ABHD14A: variants seen among roughly 807,000 people sequenced by gnomAD.
ABHD14A encodes protein ABHD14A.
A neutral mutation model predicts 27.0 loss-of-function variants in ABHD14A; 19 were observed. The observed-to-expected ratio is 0.70, with a 90% confidence interval of 0.49 to 1.03. The LOEUF (loss-of-function observed/expected upper bound fraction) is 1.03. ABHD14A is among the 50% of genes least tolerant of loss of function. The pLI is 0.00. For synonymous variants in ABHD14A, 148 were observed against 158.8 expected, an observed-to-expected ratio of 0.93 and a Z score of 0.51; for missense variants, 311 against 344.6, an observed-to-expected ratio of 0.90 and a Z score of 0.77.
intron 1 of ABHD14A, among the ~76,000 whole-genome samples, chr3:51,976,654 G>A (rs536267434): frequency 6.6e-6 from 1 of 152,316 alleles, no homozygotes; most frequent in East Asian, 1.9e-4. Flanking sequence ...TAGCCTGGGC[G>A]ACAGAGCAAG....
At chr3:51,980,782 G>A in intron 4 of ABHD14A, 54 bp from the exon 5 acceptor site, 2 of 1,588,756 alleles carry the variant, frequency 1.3e-6, no homozygotes, top group Non-Finnish European at 1.7e-6. Flanking sequence ...AAGTGGCTTG[G>A]GGGTCAGAAA....
At position 51,979,245 on chromosome 3, in the gene ABHD14A, C is replaced by G. The variant is rs903519925; in HGVS notation, c.397+871C>G. On this transcript the variant is annotated intron_variant, in intron 3 of 4. Transcript: ENST00000273596. ...CATGTCTCAAGGATCATGCCGGTCC[C>G]TACAAACCTCCCTCTTTGTTGTCAA... Among the ~76,000 whole-genome samples, 26 of 152,138 alleles carry G rather than the reference C, an allele frequency of 1.7e-4. 1 individual carries two copies. Among genetic ancestry groups the G allele is most frequent in the African/African-American group, 6.3e-4 (26 of 41,436 alleles).
intron 1 of ABHD14A, among the ~76,000 whole-genome samples, chr3:51,975,662 C>T (rs1264278655): frequency 6.6e-6 from 1 of 151,876 alleles, no homozygotes; most frequent in Non-Finnish European, 1.5e-5. Context: ...GTGTGTATGA[C>T]CGTGCTTGAG....
chr3:51,975,455 T>TGGG (rs111955253), intron 1 of ABHD14A, among the ~76,000 whole-genome samples: 100 of 87,786 alleles, frequency 1.1e-3, no homozygotes, highest in African/African-American at 3.9e-3. Context: ...CTTATATTTT[T>TGGG]GGGGGGGGGG....
In ABHD14A at chr3:51,975,192, C is replaced by T; in HGVS notation, c.57C>T (p.Ile19=). ...WFRLGGARPL[I]PLGPTVVQTS... The stretch of plus-strand genomic sequence containing the variant: ...GCCTGGGCGGGGCCCGCCCGCTCAT[C>T]CCGTTGGGCCCGGTGAGTCTCCCGG... Residue 19 remains isoleucine, a synonymous_variant, in exon 1 of 5, where the codon ATC becomes ATT. Transcript: ENST00000273596. The T allele has an allele frequency of 6.3e-6, 8 of 1,270,976 alleles. No homozygotes were observed. Among genetic ancestry groups the T allele is most frequent in the East Asian group, 3.1e-5 (1 of 31,922 alleles). The allele number at this position is 1,270,976 out of a possible 1,614,324, so 78.7% of individuals were successfully genotyped here.
chr3:51,976,615 C>T (rs1424351851), intron 1 of ABHD14A, among the ~76,000 whole-genome samples: 3 of 152,188 alleles, frequency 2.0e-5, no homozygotes, highest in Non-Finnish European at 4.4e-5. Context: ...GCGGAGGTTG[C>T]AGTGAGCCGA....
chr3:51,980,573 C>T lies in ABHD14A; in HGVS notation c.578C>T (p.Pro193Leu). ...RGHHQLHGFVPIAPTSTQNYT... is the reference protein window; with the variant it reads ...RGHHQLHGFVLIAPTSTQNYT... ...CACCACCAGCTACATGGATTTGTGC[C>T]CATCGCACCCACCTCCACCCAGAAC... Residue 193 changes from proline to leucine, a missense_variant, in exon 4 of 5, where the codon CCC becomes CTC. Transcript: ENST00000273596. The T allele has an allele frequency of 6.2e-7, 1 of 1,609,112 alleles. No individual in the cohort carries two copies. Among genetic ancestry groups the T allele is most frequent in the Non-Finnish European group, 8.5e-7 (1 of 1,177,970 alleles).
chr3:51,978,784 G>T (rs569826147), intron 3 of ABHD14A: 3 of 223,096 alleles, frequency 1.3e-5, no homozygotes, highest in Non-Finnish European at 2.8e-5. Flanking sequence ...TGGAGATAGG[G>T]TTTCACCATG....
At position 51,978,076 on chromosome 3, in the gene ABHD14A, C is replaced by G. The variant is rs772705265; in HGVS notation, c.275C>G (p.Ala92Gly). 5.0e-6 allele frequency: 8 copies of G among 1,613,554 alleles called. No individual in the cohort carries two copies. The South Asian group carries it at 8.8e-5, about 18-fold the overall frequency. Residue 92 changes from alanine to glycine, a missense_variant, in exon 2 of 5, where the codon GCA (alanine) becomes GGA (glycine). By Grantham distance (60) the Ala-to-Gly change is moderately conservative. Coordinates refer to ENST00000273596, the MANE Select transcript of ABHD14A (RefSeq NM_015407.5). Reference sequence around the variant, plus strand: ...CGCGAGGTGCTCCCACTCAACCAGGCACACAGGTAGGTGCTGCTCCAAGGG... The same window carrying G: ...CGCGAGGTGCTCCCACTCAACCAGGGACACAGGTAGGTGCTGCTCCAAGGG... ...FYREVLPLNQ[A>G]HRVEVVLLHG...
intron 3 of ABHD14A, chr3:51,978,854 A>G (rs1700848158): frequency 1.2e-5 from 3 of 252,322 alleles, no homozygotes; most frequent in African/African-American, 2.3e-5. Flanking sequence ...GGCCTCCCCA[A>G]GTGCTGGGAT....
chr3:51,980,999 TC>T lies in ABHD14A; in HGVS notation c.799del (p.Asp268ThrfsTer?). ...GACTTCCACCTTGTCCTGCTTGCCT[TC>T]CTTGACCATCTACCTTGAACTAACC... Reference protein sequence around the residue: ...PQDFHLVLLAFLDHLP With the variant: ...PQDFHLVLLAXLDHLP On this transcript the variant is annotated frameshift_variant, in exon 5 of 5. Coordinates refer to ENST00000273596, the MANE Select transcript of ABHD14A (RefSeq NM_015407.5). LOFTEE classifies it high-confidence loss of function. 3 of 1,612,962 alleles carry T rather than the reference TC, an allele frequency of 1.9e-6. No homozygotes were observed. The highest frequency in any genetic ancestry group is 1.7e-6 in the Non-Finnish European group (2 of 1,179,012).
intron 1 of ABHD14A, 30 bp downstream of exon 1, chr3:51,975,234 G>A (rs887964110): frequency 8.0e-7 from 1 of 1,250,948 alleles, no homozygotes. Context: ...GAGGCCGGCC[G>A]GTGGCCCAGG....
chr3:51,975,099 T>C lies in ABHD14A; in HGVS notation c.-37T>C. The C allele has an allele frequency of 1.6e-6, 2 of 1,283,442 alleles. No homozygotes were observed. Among genetic ancestry groups the C allele is most frequent in the Non-Finnish European group, 2.0e-6 (2 of 1,014,808 alleles). 79.5% of individuals were successfully genotyped at this position (1,283,442 alleles called of 1,614,324 possible). ...CGAGATGGCCGCGCTCCTGGCCGCC[T>C]AGAGCCGGAGCGGCCCGCGGAGCTG... is the stretch of plus-strand genomic sequence containing the variant. On this transcript the variant is annotated 5_prime_UTR_variant, in exon 1 of 5. The change abolishes the stop of an existing upstream ORF in the 5' untranslated region. Coordinates refer to ENST00000273596, the MANE Select transcript of ABHD14A (RefSeq NM_015407.5).
At chr3:51,976,304 A>G (rs921941743) in intron 1 of ABHD14A, among the ~76,000 whole-genome samples, 2 of 152,230 alleles carry the variant, frequency 1.3e-5, no homozygotes, top group African/African-American at 4.8e-5. Context: ...AAACATCCCC[A>G]AAACATCCCG....
intron 1 of ABHD14A, among the ~76,000 whole-genome samples, chr3:51,976,568 G>C (rs901128990): frequency 1.3e-5 from 2 of 152,202 alleles, no homozygotes; most frequent in African/African-American, 4.8e-5. Flanking sequence ...CCCACTATTC[G>C]GGAGGCTGAG....
chr3:51,978,408 T>C (rs1330487617), intron 3 of ABHD14A, 34 bp downstream of exon 3: 5 of 1,523,092 alleles, frequency 3.3e-6, no homozygotes, highest in Non-Finnish European at 4.5e-6. Context: ...TAGGGAAGCC[T>C]TAAGTGTGGC....
intron 4 of ABHD14A, 33 bp from the exon 5 acceptor site, chr3:51,980,803 C>G: frequency 6.3e-7 from 1 of 1,598,554 alleles, no homozygotes; most frequent in South Asian, 1.1e-5. Context: ...CTCATCAGGC[C>G]CCAAGATCAC....
At chr3:51,976,219 A>G (rs893812600) in intron 1 of ABHD14A, among the ~76,000 whole-genome samples, 2 of 152,254 alleles carry the variant, frequency 1.3e-5, no homozygotes, top group Admixed American at 1.3e-4. Flanking sequence ...CTGGTTTTCC[A>G]GAAACAGCAG....
chr3:51,976,532 C>T (rs2106811075), intron 1 of ABHD14A, among the ~76,000 whole-genome samples: 1 of 152,286 alleles, frequency 6.6e-6, no homozygotes, highest in Admixed American at 6.5e-5. Flanking sequence ...AAAAATTAGC[C>T]GGGCGCGGTG....
Sources: gnomAD v4.1 joint callset for allele counts (sites outside exome capture counted in the v4.1 genomes callset) on GRCh38, gnomAD v4.1.1 for gene constraint, MANE v1.5 for transcripts, NCBI Gene and HGNC (gene_info 2026-07-23, HGNC 2026-07-21) for gene names.